EPHA6: variants seen among roughly 807,000 people sequenced by gnomAD.
EPHA6 encodes the protein EPH receptor A6.
In EPHA6, 50 loss-of-function variants were observed where a neutral mutation model predicts 112.0. The observed-to-expected ratio is 0.45, with a 90% CI of 0.36 to 0.56. The LOEUF is 0.56. Ranked by LOEUF, EPHA6 falls within the 20% of genes least tolerant of loss-of-function variation. The pLI is 0.00. For missense variants in EPHA6, 1,280 were observed against 1,417.4 expected (o/e 0.90, Z 1.56); for synonymous variants, 529 against 490.7 (o/e 1.08, Z -1.03).
intron 3 of EPHA6, among the ~76,000 whole-genome samples, chr3:97,091,441 A>T (rs907337445): frequency 6.6e-6 from 1 of 152,158 alleles, no homozygotes; most frequent in Non-Finnish European, 1.5e-5. Context: ...GAATCTGAGT[A>T]AATTAGACTA....
intron 2 of EPHA6, among the ~76,000 whole-genome samples, chr3:96,942,353 T>C (rs2041010778): frequency 6.6e-6 from 1 of 152,216 alleles, no homozygotes; most frequent in Non-Finnish European, 1.5e-5. Context: ...GCCTTGCAGT[T>C]TGATCTCAGA....
At chr3:96,826,716 AT>A (rs1328568066) in intron 1 of EPHA6, among the ~76,000 whole-genome samples, 1 of 138,510 alleles carries the variant, frequency 7.2e-6, no homozygotes, top group Admixed American at 7.1e-5. Flanking sequence ...ATTTCCAAAT[AT>A]TTTTCCCAAG....
chr3:97,299,837 T>G (rs1388393674), intron 5 of EPHA6, among the ~76,000 whole-genome samples: 1 of 152,172 alleles, frequency 6.6e-6, no homozygotes, highest in Admixed American at 6.5e-5. Flanking sequence ...TGTGCCTCAG[T>G]TGGTAAGGAA....
intron 11 of EPHA6, among the ~76,000 whole-genome samples, chr3:97,582,423 T>G (rs2093446893): frequency 6.6e-6 from 1 of 152,102 alleles, no homozygotes; most frequent in Admixed American, 6.5e-5. Flanking sequence ...CTGGGAGGAC[T>G]CGGGGAGGCA....
chr3:97,358,955 C>T (rs576267173), intron 5 of EPHA6, among the ~76,000 whole-genome samples: 3 of 150,882 alleles, frequency 2.0e-5, no homozygotes, highest in Non-Finnish European at 2.9e-5. Flanking sequence ...TGATGAGTTC[C>T]TTCTCTTTTG....
At chr3:97,233,903 G>C (rs931101037) in intron 4 of EPHA6, among the ~76,000 whole-genome samples, 1 of 152,138 alleles carries the variant, frequency 6.6e-6, no homozygotes, top group Non-Finnish European at 1.5e-5. Context: ...AAATTTCATA[G>C]ATAGGTATAG....
At chr3:97,017,993 T>C (rs1381803968) in intron 3 of EPHA6, among the ~76,000 whole-genome samples, 1 of 151,800 alleles carries the variant, frequency 6.6e-6, no homozygotes, top group Non-Finnish European at 1.5e-5. Flanking sequence ...CTTTTTTTTT[T>C]TGTCTCCTCT....
chr3:97,322,492 G>A (rs928135377), intron 5 of EPHA6, among the ~76,000 whole-genome samples: 1 of 151,862 alleles, frequency 6.6e-6, no homozygotes, highest in Admixed American at 6.6e-5. Flanking sequence ...GCTTTCCATG[G>A]CAAATAAGAA....
chr3:96,961,671 G>T (rs1449401900), intron 2 of EPHA6, among the ~76,000 whole-genome samples: 1 of 152,080 alleles, frequency 6.6e-6, no homozygotes. Context: ...TTTACTACAG[G>T]TAAGAATGTT....
At chr3:97,712,346 G>T (rs920794933) in intron 14 of EPHA6, among the ~76,000 whole-genome samples, 1 of 152,188 alleles carries the variant, frequency 6.6e-6, no homozygotes, top group Non-Finnish European at 1.5e-5. Context: ...CTGCTATCCA[G>T]ATAAGAGTGG....
intron 6 of EPHA6, among the ~76,000 whole-genome samples, chr3:97,412,264 C>T (rs1414294909): frequency 2.0e-5 from 3 of 152,064 alleles, no homozygotes; most frequent in African/African-American, 7.2e-5. Context: ...CAGTCCCAGC[C>T]TGATCTTGTG....
At chr3:96,924,977 T>G (rs1036745439) in intron 2 of EPHA6, among the ~76,000 whole-genome samples, 6 of 152,140 alleles carry the variant, frequency 3.9e-5, no homozygotes, top group African/African-American at 1.4e-4. Flanking sequence ...TGAAACAACC[T>G]CCTGAAGCCA....
intron 14 of EPHA6, chr3:97,648,154 G>A (rs889929263): frequency 2.3e-6 from 1 of 440,970 alleles, no homozygotes; most frequent in African/African-American, 2.0e-5. Flanking sequence ...GCAAATTTTG[G>A]TTTTGTTTGT....
chr3:97,277,489 CTGGATGTGTACGT>C (rs1179837811), intron 5 of EPHA6, among the ~76,000 whole-genome samples: 3 of 152,120 alleles, frequency 2.0e-5, no homozygotes, highest in African/African-American at 7.2e-5. Context: ...AACCCGCCAT[CTGGATGTGTACGT>C]GCAGTCACAG....
intron 3 of EPHA6, among the ~76,000 whole-genome samples, chr3:97,223,111 G>T (rs1286067371): frequency 6.6e-6 from 1 of 152,168 alleles, no homozygotes; most frequent in African/African-American, 2.4e-5. Context: ...GAGATCTTTG[G>T]CAATTCATTC....
intron 10 of EPHA6, among the ~76,000 whole-genome samples, chr3:97,502,686 T>C (rs2092151213): frequency 6.6e-6 from 1 of 151,030 alleles, no homozygotes; most frequent in African/African-American, 2.4e-5. Context: ...ACAAAAAAAT[T>C]AGCTGGGCAT....
chr3:96,894,605 A>G (rs545453162), intron 2 of EPHA6, among the ~76,000 whole-genome samples: 1 of 152,114 alleles, frequency 6.6e-6, no homozygotes, highest in Non-Finnish European at 1.5e-5. Context: ...GAAGGTATGA[A>G]TGGCATAGGG....
At chr3:97,192,836 G>A (rs1223104108) in intron 3 of EPHA6, among the ~76,000 whole-genome samples, 1 of 152,100 alleles carries the variant, frequency 6.6e-6, no homozygotes, top group Non-Finnish European at 1.5e-5. Context: ...TCATTCTTCT[G>A]TATATGGATA....
chr3:97,151,545 G>C (rs2076172045), intron 3 of EPHA6, among the ~76,000 whole-genome samples: 1 of 152,006 alleles, frequency 6.6e-6, no homozygotes, highest in African/African-American at 2.4e-5. Context: ...GGCCATTTGA[G>C]CATCAGCACA....
Sources: gnomAD v4.1 joint callset for allele counts (sites outside exome capture counted in the v4.1 genomes callset) on GRCh38, gnomAD v4.1.1 for gene constraint, MANE v1.5 for transcripts, NCBI Gene and HGNC (gene_info 2026-07-23, HGNC 2026-07-21) for gene names.